ALPG: variants seen among roughly 807,000 people sequenced by gnomAD.
ALPG encodes alkaline phosphatase, germ cell, also known as alkaline phosphatase, germ cell type.
ALPG carries 32 observed loss-of-function variants against 48.6 expected under a neutral mutation model. The ratio of observed to expected loss-of-function variants is 0.66; its 90% confidence interval spans 0.50 to 0.88. The LOEUF (loss-of-function observed/expected upper bound fraction) is 0.88, where lower values mean the gene tolerates loss of function less well. Among genes scored for constraint, ALPG ranks in the 40% least tolerant of loss-of-function variants. The pLI is 0.00. For synonymous variants in ALPG, 244 were observed against 308.9 expected (o/e 0.79, Z 2.20); for missense variants, 533 against 718.1 (o/e 0.74, Z 2.95).
chr2:232,407,662 G>A lies in ALPG; in HGVS notation c.369G>A (p.Lys123=), dbSNP rs768742078. ...ATATAYLCGV[K]GNFQTIGLSA... is the part of the protein sequence containing the mutation. ...CCACGGCCTACCTGTGCGGGGTCAA[G>A]GGCAACTTCCAGACCATTGGCTTGA... Residue 123 remains lysine, a synonymous_variant, in exon 4 of 11, where the codon AAG becomes AAA. Transcript: ENST00000295453. 1 of 1,613,930 alleles carries A rather than the reference G, an allele frequency of 6.2e-7. No individual in the cohort carries two copies. The highest frequency in any genetic ancestry group is 1.1e-5 in the South Asian group (1 of 90,980).
In ALPG at chr2:232,409,566, C is replaced by A. The variant is rs1697151777; in HGVS notation, c.1301-8C>A. 1 of 1,612,666 alleles carries A rather than the reference C, an allele frequency of 6.2e-7. No individual in the cohort carries two copies. The highest frequency in any genetic ancestry group is 2.2e-5 in the East Asian group (1 of 44,852). On this transcript the variant is annotated splice_region_variant and splice_polypyrimidine_tract_variant and intron_variant, in intron 10 of 10. Transcript: ENST00000295453. ...AAACTTCCTACTGAAACTGAACCCT[C>A]CAACCAGGGAGCCCCGAGTATCGGC...
In ALPG at chr2:232,407,946, G is replaced by A. The variant is rs199598336; in HGVS notation, c.577G>A (p.Val193Met). The A allele has an allele frequency of 1.3e-5, 21 of 1,613,350 alleles. No homozygotes were observed. Among genetic ancestry groups the A allele is most frequent in the East Asian group, 1.1e-4 (5 of 44,870 alleles). The change falls in exon 5 of 11, where the codon GTG (valine) becomes ATG (methionine). Residue 193 changes from valine (V) to methionine (M), a missense_variant. Coordinates refer to ENST00000295453, the MANE Select transcript of ALPG (RefSeq NM_031313.3). The part of the protein sequence containing the change: ...VNRNWYSDAD[V>M]PASARQEGCQ... ...CCGCAACTGGTACTCGGATGCCGAC[G>A]TGCCTGCCTCGGCCCGCCAGGAGGG...
chr2:232,408,239 A>G, intron 5 of ALPG, 28 bp from the exon 6 acceptor site: 1 of 1,612,206 alleles, frequency 6.2e-7, no homozygotes, highest in South Asian at 1.1e-5. Context: ...AGGCCCCCAA[A>G]TCCACCTGCC....
rs777278704 is a variant in ALPG at position 232,407,965 on chromosome 2, A to G, written c.596A>G (p.Gln199Arg). 7 of 1,613,130 alleles carry G rather than the reference A, an allele frequency of 4.3e-6. No individual in the cohort carries two copies. The highest frequency in any genetic ancestry group is 2.2e-5 in the East Asian group (1 of 44,876). ...SDADVPASARQEGCQDIATQL... is the reference protein window; with the variant it reads ...SDADVPASARREGCQDIATQL... ...GCCGACGTGCCTGCCTCGGCCCGCCAGGAGGGGTGCCAGGACATCGCCACG... is the reference window on the plus strand; with the variant it reads ...GCCGACGTGCCTGCCTCGGCCCGCCGGGAGGGGTGCCAGGACATCGCCACG... Residue 199 changes from glutamine to arginine, a missense_variant, in exon 5 of 11, where the codon CAG (glutamine) becomes CGG (arginine). Gln to Arg is a conservative substitution (Grantham distance 43, BLOSUM62 1). Around this residue, in one of 6 missense-constraint regions of ALPG, gnomAD observed 315 missense variants for 305.8 expected, o/e 1.03. Coordinates refer to ENST00000295453, the MANE Select transcript of ALPG (RefSeq NM_031313.3).
In ALPG at chr2:232,409,956, G is replaced by A. The variant is rs3189077; in HGVS notation, c.*84G>A. On this transcript the variant is annotated 3_prime_UTR_variant, in exon 11 of 11. Coordinates refer to ENST00000295453, the MANE Select transcript of ALPG (RefSeq NM_031313.3). Reference sequence around the variant, plus strand: ...CAGTCGTCCTGCCGGACCTCCACCTGGAGCTGTCACCCCCGGAGTCGCCAC... The same window carrying A: ...CAGTCGTCCTGCCGGACCTCCACCTAGAGCTGTCACCCCCGGAGTCGCCAC... 1.4e-5 allele frequency: 20 copies of A among 1,461,674 alleles called. No individual in the cohort carries two copies. The highest frequency in any genetic ancestry group is 1.3e-4 in the Admixed American group (5 of 39,820). 90.5% of individuals were successfully genotyped at this position (1,461,674 alleles called of 1,614,324 possible). A position where few individuals can be genotyped will look rare whatever the true frequency, so the allele number is the denominator to read the frequency against.
At chr2:232,407,454 T>G in intron 3 of ALPG, 53 bp downstream of exon 3, 2 of 1,600,386 alleles carry the variant, frequency 1.2e-6, no homozygotes, top group Non-Finnish European at 1.7e-6. Context: ...GAATCCTGGC[T>G]ATGGAGTGTG....
At position 232,409,418 on chromosome 2, in the gene ALPG, G is replaced by A. The variant is rs142455461; in HGVS notation, c.1270G>A (p.Ala424Thr). The A allele has an allele frequency of 1.1e-3, 1,732 of 1,518,716 alleles. 27 individuals are homozygous for A. The African/African-American group carries it at 0.021, about 18-fold the overall frequency. 94.1% of individuals were successfully genotyped at this position (1,518,716 alleles called of 1,614,324 possible). A position where few individuals can be genotyped will look rare whatever the true frequency, so the allele number is the denominator to read the frequency against. ...NGPGYVLKDGARPDVTESESG... is the reference protein window; with the variant it reads ...NGPGYVLKDGTRPDVTESESG... ...TCCAGGCTATGTGCTCAAGGACGGC[G>A]CCCGGCCGGATGTTACGGAGAGCGA... Residue 424 changes from alanine (A) to threonine (T), a missense_variant, in exon 10 of 11, where the codon GCC becomes ACC. Around this residue, in one of 6 missense-constraint regions of ALPG, gnomAD observed 145 missense variants for 174.3 expected, o/e 0.83. Transcript: ENST00000295453.
Position 232,409,966 on chromosome 2 carries a change from C to G in ALPG, c.*94C>G. On this transcript the variant is annotated 3_prime_UTR_variant, in exon 11 of 11. Transcript: ENST00000295453. ...GCCGGACCTCCACCTGGAGCTGTCA[C>G]CCCCGGAGTCGCCACACAGACGTCC... is the stretch of plus-strand genomic sequence containing the variant. 6.9e-7 allele frequency: 1 copy of G among 1,448,812 alleles called. No individual in the cohort carries two copies. Among genetic ancestry groups the G allele is most frequent in the Non-Finnish European group, 9.0e-7 (1 of 1,105,452 alleles). 89.7% of individuals were successfully genotyped at this position (1,448,812 alleles called of 1,614,324 possible).
Position 232,410,189 on chromosome 2 carries a change from G to C in ALPG, c.*317G>C. 1 of 475,830 alleles carries C rather than the reference G, an allele frequency of 2.1e-6. No individual in the cohort carries two copies. The highest frequency in any genetic ancestry group is 3.7e-6 in the Non-Finnish European group (1 of 268,608). The allele number at this position is 475,830 out of a possible 1,614,324, so 29.5% of individuals were successfully genotyped here. ...CCATATCCTGAGGTGGATCAGGCAG[G>C]CTCTCTCCCCGGGGACATGAGGCAC... is the stretch of plus-strand genomic sequence containing the variant. On this transcript the variant is annotated 3_prime_UTR_variant, in exon 11 of 11. Transcript: ENST00000295453.
chr2:232,408,062 G>C, intron 5 of ALPG, 45 bp downstream of exon 5: 4 of 1,584,404 alleles, frequency 2.5e-6, no homozygotes, highest in Non-Finnish European at 2.6e-6. Context: ...GAGAGTAGCA[G>C]GGAGGGGGCA....
chr2:232,408,793 C>G lies in ALPG; in HGVS notation c.946C>G (p.Leu316Val). ...SLMEMTEAAL[L>V]LLSRNPRGFF... ...GATGGAGATGACAGAGGCTGCCCTGCTCCTGCTGAGCAGGAACCCCCGCGG... is the reference window on the plus strand; with the variant it reads ...GATGGAGATGACAGAGGCTGCCCTGGTCCTGCTGAGCAGGAACCCCCGCGG... Residue 316 changes from leucine to valine, a missense_variant, in exon 8 of 11, where the codon CTC (leucine) becomes GTC (valine). By Grantham distance (32) the Leu-to-Val change is conservative. Coordinates refer to ENST00000295453, the MANE Select transcript of ALPG (RefSeq NM_031313.3). 1 of 791,202 alleles carries G rather than the reference C, an allele frequency of 1.3e-6. No individual in the cohort carries two copies. The highest frequency in any genetic ancestry group is 1.9e-6 in the Non-Finnish European group (1 of 531,294). The allele number at this position is 791,202 out of a possible 1,614,324, so 49.0% of individuals were successfully genotyped here.
In ALPG at chr2:232,407,957, G is replaced by C. The variant is rs41265119; in HGVS notation, c.588G>C (p.Ser196=). 4 of 1,613,208 alleles carry C rather than the reference G, an allele frequency of 2.5e-6. No homozygotes were observed. Among genetic ancestry groups the C allele is most frequent in the East Asian group, 4.5e-5 (2 of 44,872 alleles). Residue 196 remains serine, a synonymous_variant, in exon 5 of 11, where the codon TCG becomes TCC. Coordinates refer to ENST00000295453, the MANE Select transcript of ALPG (RefSeq NM_031313.3). ...ACTCGGATGCCGACGTGCCTGCCTCGGCCCGCCAGGAGGGGTGCCAGGACA... is the reference window on the plus strand; with the variant it reads ...ACTCGGATGCCGACGTGCCTGCCTCCGCCCGCCAGGAGGGGTGCCAGGACA... The part of the protein sequence containing the change: ...NWYSDADVPA[S]ARQEGCQDIA...
Position 232,407,364 on chromosome 2 carries a change from T to G in ALPG, c.263T>G (p.Leu88Arg). The G allele has an allele frequency of 6.2e-7, 1 of 1,613,904 alleles. No homozygotes were observed. The change falls in exon 3 of 11, where the codon CTG becomes CGG. Residue 88 changes from leucine to arginine, a missense_variant. Around this residue, in one of 6 missense-constraint regions of ALPG, gnomAD observed 315 missense variants for 305.8 expected, o/e 1.03. Transcript: ENST00000295453. ...GACAAACTGGGGCCTGAGACCTTCCTGGCCATGGACCGCTTCCCGTACGTG... is the reference window on the plus strand; with the variant it reads ...GACAAACTGGGGCCTGAGACCTTCCGGGCCATGGACCGCTTCCCGTACGTG... Reference protein sequence around the residue: ...KKDKLGPETFLAMDRFPYVAL... With the variant: ...KKDKLGPETFRAMDRFPYVAL...
In ALPG at chr2:232,409,671, C is replaced by T. The variant is rs756069446; in HGVS notation, c.1398C>T (p.His466=). 13 of 1,611,590 alleles carry T rather than the reference C, an allele frequency of 8.1e-6. No homozygotes were observed. In the African/African-American group the frequency reaches 9.3e-5, roughly 12 times the overall value. The change falls in exon 11 of 11, where the codon CAC becomes CAT. Residue 466 remains histidine (H), a synonymous_variant. Transcript: ENST00000295453. Reference sequence around the variant, plus strand: ...TGTTCGCGCGCGGCCCGCAGGCGCACCTGGTTCACGGCGTGCAGGAGCAGA... The same window carrying T: ...TGTTCGCGCGCGGCCCGCAGGCGCATCTGGTTCACGGCGTGCAGGAGCAGA... ...VAVFARGPQA[H]LVHGVQEQTF... is the part of the protein sequence containing the mutation.
At chr2:232,407,016 C>G (rs1358646686) in intron 1 of ALPG, 41 bp from the exon 2 acceptor site, 5 of 1,613,588 alleles carry the variant, frequency 3.1e-6, no homozygotes, top group Non-Finnish European at 4.2e-6. Context: ...AGGGCACCCC[C>G]CAGCCCAGGC....
Position 232,406,971 on chromosome 2 carries a change from C to G in ALPG, c.67+10C>G, listed in dbSNP as rs371803140. On this transcript the variant is annotated intron_variant, in intron 1 of 10. Coordinates refer to ENST00000295453, the MANE Select transcript of ALPG (RefSeq NM_031313.3). ...CTGGGCATCATCCCAGGTAATGAGG[C>G]TCCCCCAGCTGCCCCTACACACACA... The G allele has an allele frequency of 8.4e-5, 135 of 1,606,520 alleles. 1 individual carries two copies. Among genetic ancestry groups the G allele is most frequent in the Non-Finnish European group, 1.1e-4 (128 of 1,177,976 alleles).
Position 232,410,699 on chromosome 2 carries a change from G to C in ALPG, c.*827G>C, listed in dbSNP as rs181646167. 6.6e-6 allele frequency: 1 copy of C among 152,438 alleles called. No individual in the cohort carries two copies. The highest frequency in any genetic ancestry group is 1.9e-4 in the East Asian group (1 of 5,182). 9.4% of individuals were successfully genotyped at this position (152,438 alleles called of 1,614,324 possible). A position where few individuals can be genotyped will look rare whatever the true frequency, so the allele number is the denominator to read the frequency against. ...AAACACAAAGCAATAATAAAAGGAAGTGTTAGACAATGTAATGCCAGTACT... is the reference window on the plus strand; with the variant it reads ...AAACACAAAGCAATAATAAAAGGAACTGTTAGACAATGTAATGCCAGTACT... On this transcript the variant is annotated 3_prime_UTR_variant, in exon 11 of 11. Coordinates refer to ENST00000295453, the MANE Select transcript of ALPG (RefSeq NM_031313.3).
rs200884165 is a variant in ALPG, at chr2:232,407,850, T to C, written c.481T>C (p.Ser161Pro). The C allele has an allele frequency of 2.5e-6, 4 of 1,613,348 alleles. No homozygotes were observed. The highest frequency in any genetic ancestry group is 3.4e-6 in the Non-Finnish European group (4 of 1,180,012). ...VMNRAKKAGK[S>P]VGVVTTTRVQ... is the part of the protein sequence containing the mutation. The stretch of plus-strand genomic sequence containing the variant: ...CTGACCTCTATCACCCTCAGGAAAG[T>C]CAGTGGGAGTGGTAACCACCACACG... The change falls in exon 5 of 11, where the codon TCA (serine) becomes CCA (proline). Residue 161 changes from serine to proline, a missense_variant. By Grantham distance (74) the Ser-to-Pro change is moderately conservative. Transcript: ENST00000295453.
Position 232,410,405 on chromosome 2 carries a change from C to G in ALPG, c.*533C>G. The G allele has an allele frequency of 5.9e-6, 1 of 169,108 alleles. No homozygotes were observed. The highest frequency in any genetic ancestry group is 1.3e-5 in the Non-Finnish European group (1 of 79,468). 10.5% of individuals were successfully genotyped at this position (169,108 alleles called of 1,614,324 possible). The stretch of plus-strand genomic sequence containing the variant: ...GCTTTGACACAGTCCTCTGCTGTCC[C>G]TCCACTGGGCTAATTCTACACCCCT... On this transcript the variant is annotated 3_prime_UTR_variant, in exon 11 of 11. Coordinates refer to ENST00000295453, the MANE Select transcript of ALPG (RefSeq NM_031313.3).
Sources: gnomAD v4.1 joint callset for allele counts on GRCh38, gnomAD v4.1.1 for gene constraint, gnomAD v4.1.1 regional missense constraint, MANE v1.5 for transcripts, NCBI Gene and HGNC (gene_info 2026-07-23, HGNC 2026-07-21) for gene names.